The following PTPRD variants were observed in gnomAD, a reference collection of about 807,000 sequenced individuals.
PTPRD encodes the protein protein tyrosine phosphatase receptor type D, also known as receptor-type tyrosine-protein phosphatase delta.
In PTPRD, 34 loss-of-function variants were observed where a neutral mutation model predicts 214.5. The observed-to-expected ratio is 0.16, with a 90% confidence interval of 0.12 to 0.21. The LOEUF (loss-of-function observed/expected upper bound fraction) is 0.21, where lower values mean the gene tolerates loss of function less well. Ranked by LOEUF, PTPRD falls within the 10% of genes least tolerant of loss-of-function variation. PTPRD has a pLI of 1.00. For synonymous variants in PTPRD, 1,128 were observed against 845.7 expected (o/e 1.33, Z -5.79); for missense variants, 2,545 against 2,398.7 (o/e 1.06, Z -1.27).
At chr9:10,226,219 C>T (rs1202339261) in intron 3 of PTPRD, among the ~76,000 whole-genome samples, 1 of 152,040 alleles carries the variant, frequency 6.6e-6, no homozygotes, top group African/African-American at 2.4e-5. Context: ...TAAGAGGCTT[C>T]TGCCAACTCA....
intron 11 of PTPRD, among the ~76,000 whole-genome samples, chr9:8,751,023 CT>C (rs1267122367): frequency 6.6e-6 from 1 of 152,134 alleles, no homozygotes; most frequent in African/African-American, 2.4e-5. Context: ...ATTGTGAAGT[CT>C]TTTGACCCTT....
At chr9:8,921,686 G>T (rs1480399882) in intron 11 of PTPRD, among the ~76,000 whole-genome samples, 1 of 151,810 alleles carries the variant, frequency 6.6e-6, no homozygotes, top group African/African-American at 2.4e-5. Context: ...TAGAGACAGG[G>T]TTTCACCATG....
chr9:10,328,645 A>G (rs535230680), intron 3 of PTPRD, among the ~76,000 whole-genome samples: 1 of 151,896 alleles, frequency 6.6e-6, no homozygotes, highest in Non-Finnish European at 1.5e-5. Flanking sequence ...GTTATGCACC[A>G]AGAGAAAATA....
intron 9 of PTPRD, among the ~76,000 whole-genome samples, chr9:9,377,543 C>G (rs1160861072): frequency 6.6e-6 from 1 of 152,042 alleles, no homozygotes; most frequent in African/African-American, 2.4e-5. Context: ...ATCCTATTAT[C>G]AGAGAAACAG....
intron 5 of PTPRD, among the ~76,000 whole-genome samples, chr9:9,824,183 CA>C (rs36024907): frequency 0.43 from 65,091 of 150,210 alleles, 16,768 homozygotes; most frequent in African/African-American, 0.73. Context: ...TGCAAGTTAT[CA>C]AAAAAAAAAT....
At chr9:10,084,545 A>G (rs2098296969) in intron 3 of PTPRD, among the ~76,000 whole-genome samples, 1 of 151,966 alleles carries the variant, frequency 6.6e-6, no homozygotes, top group Non-Finnish European at 1.5e-5. Context: ...TAGCTATGGC[A>G]GTGTTTACTG....
At chr9:9,274,271 G>A (rs1944103880) in intron 9 of PTPRD, among the ~76,000 whole-genome samples, 1 of 151,184 alleles carries the variant, frequency 6.6e-6, no homozygotes, top group African/African-American at 2.4e-5. Context: ...CTTCACATGT[G>A]ACTTTCTCCG....
At chr9:10,214,758 T>G (rs1170633545) in intron 3 of PTPRD, among the ~76,000 whole-genome samples, 1 of 152,092 alleles carries the variant, frequency 6.6e-6, no homozygotes, top group Non-Finnish European at 1.5e-5. Context: ...TGTGCAAAGA[T>G]TTTCTCCATT....
intron 11 of PTPRD, among the ~76,000 whole-genome samples, chr9:8,830,772 T>G (rs1281589991): frequency 6.6e-6 from 1 of 152,006 alleles, no homozygotes; most frequent in Non-Finnish European, 1.5e-5. Context: ...CACAATCAAA[T>G]CCGTAATTTG....
At chr9:9,022,238 C>T (rs1319802240) in intron 10 of PTPRD, among the ~76,000 whole-genome samples, 1 of 151,814 alleles carries the variant, frequency 6.6e-6, no homozygotes, top group African/African-American at 2.4e-5. Flanking sequence ...ATGCATTTAC[C>T]GTAGCCTACG....
intron 12 of PTPRD, among the ~76,000 whole-genome samples, chr9:8,680,159 TAATC>T (rs1331052278): frequency 6.6e-6 from 1 of 152,022 alleles, no homozygotes; most frequent in Non-Finnish European, 1.5e-5. Flanking sequence ...TCTATTTAAT[TAATC>T]AAGAGAAATA....
intron 2 of PTPRD, among the ~76,000 whole-genome samples, chr9:10,587,616 T>A (rs1165151708): frequency 6.6e-6 from 1 of 152,014 alleles, no homozygotes; most frequent in Admixed American, 6.6e-5. Context: ...TTCAGAAAAA[T>A]TATCTGAGAT....
chr9:9,589,402 C>A (rs145655828), intron 7 of PTPRD, among the ~76,000 whole-genome samples: 82 of 151,452 alleles, frequency 5.4e-4, no homozygotes, highest in East Asian at 2.9e-3. Context: ...TTCTCTCTTT[C>A]TCTTACATAT....
At chr9:10,297,624 C>G (rs920777182) in intron 3 of PTPRD, among the ~76,000 whole-genome samples, 2 of 151,086 alleles carry the variant, frequency 1.3e-5, no homozygotes, top group African/African-American at 4.9e-5. Flanking sequence ...CTGGTGTACA[C>G]TCTAGGATAA....
intron 4 of PTPRD, among the ~76,000 whole-genome samples, chr9:9,976,194 G>C (rs1355570050): frequency 6.6e-6 from 1 of 152,082 alleles, no homozygotes; most frequent in Non-Finnish European, 1.5e-5. Context: ...TAGTGTGTGA[G>C]CTTTGTCTTT....
intron 5 of PTPRD, among the ~76,000 whole-genome samples, chr9:9,849,221 C>T (rs1286168210): frequency 6.6e-6 from 1 of 151,966 alleles, no homozygotes; most frequent in African/African-American, 2.4e-5. Context: ...CAGCAGATCC[C>T]AAAGGATCAC....
chr9:9,447,877 T>A (rs2090970028), intron 8 of PTPRD, among the ~76,000 whole-genome samples: 2 of 151,798 alleles, frequency 1.3e-5, no homozygotes, highest in South Asian at 2.1e-4. Flanking sequence ...GCAAAAGAGG[T>A]CAGTGCCGTT....
At chr9:9,011,060 A>G (rs971494750) in intron 11 of PTPRD, among the ~76,000 whole-genome samples, 1 of 152,184 alleles carries the variant, frequency 6.6e-6, no homozygotes, top group Non-Finnish European at 1.5e-5. Context: ...TAAAAATGCT[A>G]TGATATGTGT....
intron 43 of PTPRD, 72 bp from the exon 44 acceptor site, chr9:8,331,808 A>AAGAACAATCATTTTC: frequency 6.8e-7 from 1 of 1,471,436 alleles, no homozygotes; most frequent in Non-Finnish European, 9.0e-7. Context: ...TACGGACCAC[A>AAGAACAATCATTTTC]AGAACAATCA....
Sources: allele counts gnomAD v4.1 joint callset (sites outside exome capture counted in the v4.1 genomes callset), GRCh38; gene constraint gnomAD v4.1.1; transcripts MANE v1.5; gene names NCBI Gene and HGNC (gene_info 2026-07-23, HGNC 2026-07-21).